The following MYL3 variants were observed in gnomAD, a reference collection of about 807,000 sequenced individuals.
The protein encoded by MYL3 is myosin light chain 3, also known as CMLC1.
A neutral mutation model predicts 21.3 loss-of-function variants in MYL3; 11 were observed. That is an observed-to-expected ratio of 0.52 (90% confidence interval 0.32 to 0.85). The LOEUF (loss-of-function observed/expected upper bound fraction) is 0.85, where lower values mean the gene tolerates loss of function less well. Among genes scored for constraint, MYL3 ranks in the 40% least tolerant of loss-of-function variants. The pLI is 0.03. For synonymous variants in MYL3, 88 were observed against 91.6 expected, an observed-to-expected ratio of 0.96 and a Z score of 0.22; for missense variants, 206 against 253.3, an observed-to-expected ratio of 0.81 and a Z score of 1.27.
At chr3:46,869,634 G>T (rs1702088023) in intron 1 of MYL3, among the ~76,000 whole-genome samples, 1 of 152,248 alleles carries the variant, frequency 6.6e-6, no homozygotes, top group South Asian at 2.1e-4. Context: ...GTGTCGTCTT[G>T]CGTGCTTCCA....
upstream of MYL3, among the ~76,000 whole-genome samples, chr3:46,864,001 T>G (rs1702022010): frequency 6.6e-6 from 1 of 151,798 alleles, no homozygotes; most frequent in African/African-American, 2.4e-5. This position sits in a 1 kb window ranked among gnomAD's most constrained non-coding sequence, Gnocchi z 4.7. Context: ...TCTCTCTGTG[T>G]CTGTGTTTGT....
intron 1 of MYL3, among the ~76,000 whole-genome samples, chr3:46,877,042 T>G (rs2030259269): frequency 6.6e-6 from 1 of 152,106 alleles, no homozygotes; most frequent in Non-Finnish European, 1.5e-5. Context: ...TGTGACAGCT[T>G]AAGCAGACCC....
At chr3:46,864,866 G>C (rs928048251), upstream of MYL3, among the ~76,000 whole-genome samples, 2 of 152,230 alleles carry the variant, frequency 1.3e-5, no homozygotes, top group Non-Finnish European at 2.9e-5. This position sits in a 1 kb window ranked among gnomAD's most constrained non-coding sequence, Gnocchi z 4.7. Context: ...GGAGGGCTGA[G>C]GTGGCACAAG....
At chr3:46,877,130 G>A (rs1466532321) in intron 1 of MYL3, among the ~76,000 whole-genome samples, 2 of 152,164 alleles carry the variant, frequency 1.3e-5, no homozygotes, top group Admixed American at 1.3e-4. Context: ...ATTCCAGTGG[G>A]CAAGGAGTCA....
chr3:46,878,375 T>C (rs1474483889), intron 1 of MYL3, among the ~76,000 whole-genome samples: 1 of 152,150 alleles, frequency 6.6e-6, no homozygotes, highest in Non-Finnish European at 1.5e-5. Flanking sequence ...GGTCTGGGGT[T>C]GAGGGCTGGG....
At position 46,859,927 on chromosome 3, in the gene MYL3, CT is replaced by C. The variant is rs1323208294; in HGVS notation, c.308-280del. On this transcript the variant is annotated intron_variant, in intron 3 of 6. Transcript: ENST00000292327. This position sits in a 1 kb window ranked among gnomAD's most constrained non-coding sequence, Gnocchi z 4.1. ...CCACGGAGGGCTCTGTCCAGAACCC[CT>C]TGCCTACTTTTGGGAAACAGTCCTC... Among the ~76,000 whole-genome samples, 2 of 152,306 alleles carry C rather than the reference CT, an allele frequency of 1.3e-5. No individual in the cohort carries two copies. Among genetic ancestry groups the C allele is most frequent in the African/African-American group, 4.8e-5 (2 of 41,564 alleles).
intron 4 of MYL3, among the ~76,000 whole-genome samples, chr3:46,858,916 C>A (rs903125553): frequency 6.6e-6 from 1 of 152,148 alleles, no homozygotes; most frequent in Non-Finnish European, 1.5e-5. Context: ...CGCAGCTCCC[C>A]CTTCTTACCC....
At chr3:46,858,515 T>G (rs1575497490) in intron 4 of MYL3, 54 bp from the exon 5 acceptor site, 1 of 1,571,720 alleles carries the variant, frequency 6.4e-7, no homozygotes, top group Non-Finnish European at 8.7e-7. Flanking sequence ...CATGATGGGG[T>G]GGGGGCACCC....
At chr3:46,864,551 T>G (rs1249222485), upstream of MYL3, among the ~76,000 whole-genome samples, 1 of 152,156 alleles carries the variant, frequency 6.6e-6, no homozygotes, top group African/African-American at 2.4e-5. The surrounding 1 kb of genome is among the most constrained non-coding windows in gnomAD (Gnocchi z 4.7). Context: ...GCCTGACATA[T>G]TCAAGGCTTG....
intron 1 of MYL3, among the ~76,000 whole-genome samples, chr3:46,873,060 G>T (rs556117571): frequency 1.3e-5 from 2 of 152,340 alleles, no homozygotes; most frequent in East Asian, 3.9e-4. Context: ...TCAAGGGCTC[G>T]CCGTCTATTG....
chr3:46,870,978 C>A (rs1372906872), intron 1 of MYL3, among the ~76,000 whole-genome samples: 1 of 152,218 alleles, frequency 6.6e-6, no homozygotes, highest in Non-Finnish European at 1.5e-5. Flanking sequence ...TCATAGAAAC[C>A]TTTGCATGCA....
chr3:46,876,655 T>TGGAA (rs2030236386), intron 1 of MYL3, among the ~76,000 whole-genome samples: 1 of 152,114 alleles, frequency 6.6e-6, no homozygotes, highest in Non-Finnish European at 1.5e-5. Flanking sequence ...CCCAGGAGCC[T>TGGAA]GGAAGACCCA....
At chr3:46,864,961 G>A (rs1320029909), upstream of MYL3, among the ~76,000 whole-genome samples, 1 of 152,248 alleles carries the variant, frequency 6.6e-6, no homozygotes, top group Non-Finnish European at 1.5e-5. This position sits in a 1 kb window ranked among gnomAD's most constrained non-coding sequence, Gnocchi z 4.7. Flanking sequence ...TGTGCCTGGG[G>A]GGTGGGAAGG....
intron 1 of MYL3, among the ~76,000 whole-genome samples, chr3:46,869,343 C>T (rs758255849): frequency 1.1e-4 from 16 of 152,208 alleles, no homozygotes; most frequent in South Asian, 2.1e-4. Flanking sequence ...CCCACCTAGA[C>T]GGGCTGAGGA....
In MYL3 at chr3:46,860,512, A is replaced by G. The variant is rs1241308155; in HGVS notation, c.307+164T>C. 6.6e-6 allele frequency among the ~76,000 whole-genome samples: 1 copy of G among 152,168 alleles called. No individual in the cohort carries two copies. The highest frequency in any genetic ancestry group is 1.5e-5 in the Non-Finnish European group (1 of 68,026). On this transcript the variant is annotated intron_variant, in intron 3 of 6. Coordinates refer to ENST00000292327, the MANE Select transcript of MYL3 (RefSeq NM_000258.3). This position sits in a 1 kb window ranked among gnomAD's most constrained non-coding sequence, Gnocchi z 4.6. ...AGATGCTCCAGCAAACCATTACTGC[A>G]TGTCACCTGGTCGGCATGGCCCTGT... is the stretch of plus-strand genomic sequence containing the variant.
chr3:46,861,146 C>T lies in MYL3; in HGVS notation c.130-159G>A, dbSNP rs1057142162. 1.7e-4 allele frequency among the ~76,000 whole-genome samples: 26 copies of T among 152,210 alleles called. No individual in the cohort carries two copies. The highest frequency in any genetic ancestry group is 5.9e-4 in the Admixed American group (9 of 15,286). ...CAGGACCTCCTGCAGTCCATCTTGA[C>T]GCCCTCCTGCCTCCTTGCCCCCCTC... On this transcript the variant is annotated intron_variant, in intron 1 of 6. Coordinates refer to ENST00000292327, the MANE Select transcript of MYL3 (RefSeq NM_000258.3). This position sits in a 1 kb window ranked among gnomAD's most constrained non-coding sequence, Gnocchi z 4.2.
intron 1 of MYL3, among the ~76,000 whole-genome samples, chr3:46,878,007 G>A (rs1198734834): frequency 6.6e-6 from 1 of 152,220 alleles, no homozygotes; most frequent in Non-Finnish European, 1.5e-5. Flanking sequence ...GACAGCAGGG[G>A]GCTTGTAACC....
chr3:46,867,540 G>C (rs1322829326), upstream of MYL3, among the ~76,000 whole-genome samples: 1 of 152,272 alleles, frequency 6.6e-6, no homozygotes, highest in Non-Finnish European at 1.5e-5. Context: ...TGGGCAGAAG[G>C]AGGTAAGGGC....
rs201780962 is a variant in MYL3 at position 46,858,475 on chromosome 3, G to T, written c.482-14C>A. 1.1e-4 allele frequency: 174 copies of T among 1,611,660 alleles called. No individual in the cohort carries two copies. In the African/African-American group the frequency reaches 2.0e-3, roughly 19 times the overall value. ...TCAGCCTCTCACCTGGCAGGAGTGG[G>T]AGGCTGAGTCAGCACCGTGCGTGCA... On this transcript the variant is annotated splice_polypyrimidine_tract_variant and intron_variant, in intron 4 of 6. Coordinates refer to ENST00000292327, the MANE Select transcript of MYL3 (RefSeq NM_000258.3).
Sources: allele counts gnomAD v4.1 joint callset (sites outside exome capture counted in the v4.1 genomes callset), GRCh38; gene constraint gnomAD v4.1.1; non-coding constraint Gnocchi (gnomAD v3.1); transcripts MANE v1.5; gene names NCBI Gene and HGNC (gene_info 2026-07-23, HGNC 2026-07-21).